The following MGMT variants were observed in gnomAD, a reference collection of about 807,000 sequenced individuals.
MGMT encodes the protein O-6-methylguanine-DNA methyltransferase, also known as methylated-DNA--protein-cysteine methyltransferase.
In MGMT, 14 loss-of-function variants were observed where a neutral mutation model predicts 15.9. The ratio of observed to expected loss-of-function variants is 0.88; its 90% CI spans 0.58 to 1.37. MGMT has a LOEUF of 1.37. MGMT is among the 40% of genes most tolerant of loss of function. The pLI is 0.00. For synonymous variants in MGMT, 130 were observed against 118.2 expected (o/e 1.10, Z -0.65); for missense variants, 282 against 268.1 (o/e 1.05, Z -0.36).
chr10:129,593,293 A>C (rs1422944286), intron 2 of MGMT, among the ~76,000 whole-genome samples: 1 of 152,186 alleles, frequency 6.6e-6, no homozygotes. Flanking sequence ...CTGGTATTTG[A>C]GAAGGCTCGG....
intron 1 of MGMT, among the ~76,000 whole-genome samples, chr10:129,497,656 A>C (rs1217472708): frequency 6.6e-6 from 1 of 152,150 alleles, no homozygotes; most frequent in African/African-American, 2.4e-5. Flanking sequence ...CCTCTAGTGC[A>C]ATGGTCTGAA....
rs935380023 is a variant in MGMT, at chr10:129,768,506, G to A, written c.*1509G>A. Among the ~76,000 whole-genome samples, 2 of 152,226 alleles carry A rather than the reference G, an allele frequency of 1.3e-5. No homozygotes were observed. The highest frequency in any genetic ancestry group is 4.8e-5 in the African/African-American group (2 of 41,466). ...CGCAGGCTGTCTGGTCATTTTTGAC[G>A]TTGCTGAAGGTGAGTGGGAAAAGCT... On this transcript the variant is annotated 3_prime_UTR_variant, in exon 5 of 5. Transcript: ENST00000651593.
At chr10:129,758,663 G>A (rs1451735507) in intron 3 of MGMT, among the ~76,000 whole-genome samples, 2 of 152,148 alleles carry the variant, frequency 1.3e-5, no homozygotes, top group African/African-American at 2.4e-5. Flanking sequence ...CAAGGTCACC[G>A]CCAGCCCCTG....
intron 3 of MGMT, among the ~76,000 whole-genome samples, chr10:129,720,481 ACT>A (rs1848357222): frequency 6.6e-6 from 1 of 152,032 alleles, no homozygotes; most frequent in African/African-American, 2.4e-5. Flanking sequence ...TCTGTGCTTC[ACT>A]CTGCACTAGC....
At chr10:129,590,529 G>C (rs905984031) in intron 2 of MGMT, among the ~76,000 whole-genome samples, 2 of 152,212 alleles carry the variant, frequency 1.3e-5, no homozygotes, top group East Asian at 3.8e-4. Context: ...GCAATGAATA[G>C]TTTCTAGCCA....
chr10:129,668,337 G>A (rs571100247), intron 2 of MGMT, among the ~76,000 whole-genome samples: 1 of 151,946 alleles, frequency 6.6e-6, no homozygotes, highest in South Asian at 2.1e-4. Flanking sequence ...CTTAGATGCT[G>A]GGCCAGAGTG....
intron 2 of MGMT, among the ~76,000 whole-genome samples, chr10:129,621,513 G>T (rs1202456324): frequency 3.3e-5 from 5 of 152,178 alleles, no homozygotes; most frequent in Non-Finnish European, 5.9e-5. Flanking sequence ...TCAGATCTGT[G>T]CTACCTTGTG....
chr10:129,655,917 TC>T (rs987919150), intron 2 of MGMT, among the ~76,000 whole-genome samples: 3 of 152,158 alleles, frequency 2.0e-5, no homozygotes, highest in Non-Finnish European at 2.9e-5. Context: ...GATGAGAAGT[TC>T]CACGTGTTTA....
intron 2 of MGMT, among the ~76,000 whole-genome samples, chr10:129,546,781 C>T (rs1008136081): frequency 3.9e-5 from 6 of 152,132 alleles, no homozygotes; most frequent in Non-Finnish European, 5.9e-5. Flanking sequence ...CGTAAGAATT[C>T]CTTGGTACCT....
In MGMT at chr10:129,566,563, G is replaced by A. The variant is rs749002135; in HGVS notation, c.125+30186G>A. Among the ~76,000 whole-genome samples the A allele has an allele frequency of 6.6e-6, 1 of 152,116 alleles. No homozygotes were observed. The highest frequency in any genetic ancestry group is 1.5e-5 in the Non-Finnish European group (1 of 68,010). On this transcript the variant is annotated intron_variant, in intron 2 of 4. Transcript: ENST00000651593. This position sits in a 1 kb window ranked among gnomAD's most constrained non-coding sequence, Gnocchi z 4.1. ...TCTCTGGAGGGCCCATCATCATCCT[G>A]GTGGAGGTGTTGCACTGAGGACCAC...
At chr10:129,679,409 A>G (rs1415589176) in intron 2 of MGMT, among the ~76,000 whole-genome samples, 4 of 152,144 alleles carry the variant, frequency 2.6e-5, no homozygotes, top group Non-Finnish European at 4.4e-5. Flanking sequence ...GTGTTTCACA[A>G]TATTACTTGA....
intron 2 of MGMT, among the ~76,000 whole-genome samples, chr10:129,608,088 G>GTA (rs1207733927): frequency 6.6e-6 from 1 of 152,104 alleles, no homozygotes; most frequent in Non-Finnish European, 1.5e-5. Context: ...TATGAATCTT[G>GTA]TATCAGCATC....
rs1848965238 is a variant in MGMT, at chr10:129,768,588, C to G, written c.*1591C>G. On this transcript the variant is annotated 3_prime_UTR_variant, in exon 5 of 5. Transcript: ENST00000651593. ...TGTCCCCCACAGATGATGGCCCTCC[C>G]CAGTGATGGCCGGTCACCAGGCACG... 6.6e-6 allele frequency among the ~76,000 whole-genome samples: 1 copy of G among 152,256 alleles called. No homozygotes were observed. The highest frequency in any genetic ancestry group is 2.4e-5 in the African/African-American group (1 of 41,472).
chr10:129,653,244 A>G (rs758720382), intron 2 of MGMT, among the ~76,000 whole-genome samples: 13 of 152,224 alleles, frequency 8.5e-5, no homozygotes, highest in Non-Finnish European at 1.6e-4. Context: ...TCTGGAGTTA[A>G]CTGTCAAATA....
intron 3 of MGMT, among the ~76,000 whole-genome samples, chr10:129,736,790 A>G (rs1005301408): frequency 3.3e-5 from 5 of 151,452 alleles, no homozygotes; most frequent in Non-Finnish European, 7.4e-5. Flanking sequence ...GCTTGTCTGT[A>G]AAGTATTTTA....
At chr10:129,701,721 C>T (rs912949823) in intron 2 of MGMT, 2 of 152,148 alleles carry the variant, frequency 1.3e-5, no homozygotes, top group Non-Finnish European at 2.9e-5. Flanking sequence ...TCCTGGGGCA[C>T]TTGCTTCCTC....
chr10:129,584,724 A>G (rs1846599256), intron 2 of MGMT, among the ~76,000 whole-genome samples: 1 of 152,190 alleles, frequency 6.6e-6, no homozygotes, highest in African/African-American at 2.4e-5. Context: ...TTTTGCATCA[A>G]CGGAATCCTG....
At chr10:129,564,914 G>C (rs2119816454) in intron 2 of MGMT, among the ~76,000 whole-genome samples, 1 of 152,120 alleles carries the variant, frequency 6.6e-6, no homozygotes, top group African/African-American at 2.4e-5. Context: ...CTGCCCTCAG[G>C]GTCCCTTCCT....
At chr10:129,646,754 A>ATATATATATATTTTTTTTTTTTTTT in intron 2 of MGMT, among the ~76,000 whole-genome samples, 90 of 86,510 alleles carry the variant, frequency 1.0e-3, no homozygotes, top group Admixed American at 2.0e-3. Context: ...ATATATATAT[A>ATATATATATATTTTTTTTTTTTTTT]TTTTCAGGGA....
Sources: allele counts gnomAD v4.1 joint callset (sites outside exome capture counted in the v4.1 genomes callset), GRCh38; gene constraint gnomAD v4.1.1; non-coding constraint Gnocchi (gnomAD v3.1); transcripts MANE v1.5; gene names NCBI Gene and HGNC (gene_info 2026-07-23, HGNC 2026-07-21).